TNN: variants seen among roughly 807,000 people sequenced by gnomAD.
The protein encoded by TNN is tenascin-N.
In TNN, 122 loss-of-function variants were observed where a neutral mutation model predicts 134.4. The ratio of observed to expected loss-of-function variants is 0.91; its 90% CI spans 0.78 to 1.06. The LOEUF is 1.06. TNN is among the 50% of genes least tolerant of loss of function. TNN has a pLI of 0.00. For missense variants in TNN, 1,739 were observed against 1,699.4 expected, an observed-to-expected ratio of 1.02 and a Z score of -0.41; for synonymous variants, 710 against 670.3, an observed-to-expected ratio of 1.06 and a Z score of -0.91.
chr1:175,073,110 C>T lies in TNN; in HGVS notation c.-35-4274C>T, dbSNP rs555682638. On this transcript the variant is annotated intron_variant, in intron 1 of 18. Transcript: ENST00000239462. ...TTGGACAGTGGAAACTCATGTGCTG[C>T]CATGAACACAGTAGGTGCTTTAGAG... Among the ~76,000 whole-genome samples the T allele has an allele frequency of 3.9e-5, 6 of 152,018 alleles. 1 individual carries two copies. In the South Asian group the frequency reaches 1.0e-3, roughly 26 times the overall value.
chr1:175,101,918 C>T (rs1173921610), intron 9 of TNN, among the ~76,000 whole-genome samples: 1 of 139,084 alleles, frequency 7.2e-6, no homozygotes, highest in African/African-American at 2.6e-5. Context: ...ATACAGAGTG[C>T]CGATTGATGT....
intron 1 of TNN, among the ~76,000 whole-genome samples, chr1:175,076,572 A>T (rs1242652384): frequency 6.6e-6 from 1 of 152,214 alleles, no homozygotes. Flanking sequence ...AGGAGAGAAG[A>T]CTTTGTGGAG....
intron 9 of TNN, among the ~76,000 whole-genome samples, chr1:175,101,499 C>A (rs1478960755): frequency 6.7e-6 from 1 of 149,800 alleles, no homozygotes; most frequent in African/African-American, 2.4e-5. Flanking sequence ...GTTGCCAATG[C>A]TGGCTCGGGC....
Position 175,084,484 on chromosome 1 carries a change from A to T in TNN, c.1234+549A>T, listed in dbSNP as rs138435949. On this transcript the variant is annotated intron_variant, in intron 5 of 18. Transcript: ENST00000239462. ...CTGCTAAGGAAACAAGGCTGCAGGG[A>T]TGGATCAAGTTTGGCAGTGCTTGAA... 2.6e-3 allele frequency among the ~76,000 whole-genome samples: 396 copies of T among 152,310 alleles called. 3 individuals carry two copies. Among genetic ancestry groups the T allele is most frequent in the African/African-American group, 9.2e-3 (382 of 41,556 alleles).
intron 17 of TNN, among the ~76,000 whole-genome samples, chr1:175,139,163 T>G (rs1675888811): frequency 6.6e-6 from 1 of 152,234 alleles, no homozygotes; most frequent in Admixed American, 6.5e-5. Context: ...TCGGCCACAC[T>G]AAATTTATTT....
intron 6 of TNN, among the ~76,000 whole-genome samples, chr1:175,092,020 A>G (rs1315241525): frequency 6.6e-6 from 1 of 152,136 alleles, no homozygotes; most frequent in Non-Finnish European, 1.5e-5. Context: ...CACTGCTGGG[A>G]CCTGGGGTTG....
At chr1:175,091,741 AC>A (rs1674453005) in intron 6 of TNN, among the ~76,000 whole-genome samples, 1 of 151,796 alleles carries the variant, frequency 6.6e-6, no homozygotes, top group Admixed American at 6.6e-5. Flanking sequence ...GGCATGTACC[AC>A]CCTGCCCGGC....
intron 9 of TNN, among the ~76,000 whole-genome samples, chr1:175,107,473 C>T (rs546707025): frequency 3.5e-5 from 5 of 143,234 alleles, no homozygotes; most frequent in South Asian, 2.4e-4. Flanking sequence ...TGGAGTTGTT[C>T]GTTCCTCCCA....
intron 9 of TNN, among the ~76,000 whole-genome samples, chr1:175,105,107 G>T (rs1358361818): frequency 6.9e-6 from 1 of 145,780 alleles, no homozygotes; most frequent in Non-Finnish European, 1.5e-5. Flanking sequence ...AAACTCTCAG[G>T]CTGCAGCTAA....
chr1:175,116,373 T>C (rs1455369348), intron 9 of TNN, among the ~76,000 whole-genome samples: 1 of 152,212 alleles, frequency 6.6e-6, no homozygotes, highest in Non-Finnish European at 1.5e-5. Flanking sequence ...TTTTTTTCTC[T>C]TGGTTTACAG....
intron 15 of TNN, among the ~76,000 whole-genome samples, chr1:175,131,208 C>T (rs375765575): frequency 3.3e-4 from 50 of 152,264 alleles, no homozygotes; most frequent in African/African-American, 1.1e-3. Flanking sequence ...TAAACTCTGC[C>T]GCTGGTGGGA....
chr1:175,091,823 C>T (rs1013443198), intron 6 of TNN, among the ~76,000 whole-genome samples: 6 of 152,140 alleles, frequency 3.9e-5, no homozygotes, highest in African/African-American at 1.2e-4. Flanking sequence ...CTCCTGGCCT[C>T]AAGTGATCCA....
intron 1 of TNN, among the ~76,000 whole-genome samples, chr1:175,075,396 C>G (rs1674017063): frequency 6.6e-6 from 1 of 152,134 alleles, no homozygotes; most frequent in African/African-American, 2.4e-5. Context: ...CTCCCGGGTT[C>G]CAGCAGTTCT....
At chr1:175,120,563 A>G (rs1574166779) in intron 11 of TNN, among the ~76,000 whole-genome samples, 1 of 152,120 alleles carries the variant, frequency 6.6e-6, no homozygotes, top group African/African-American at 2.4e-5. Context: ...CCTGGTCACC[A>G]CCCTGTCTGC....
chr1:175,135,182 C>A (rs1675767305), intron 15 of TNN, among the ~76,000 whole-genome samples: 1 of 152,120 alleles, frequency 6.6e-6, no homozygotes, highest in Non-Finnish European at 1.5e-5. Flanking sequence ...TGCATCTTTC[C>A]CTCATAGCCC....
At chr1:175,092,044 G>A (rs1450960853) in intron 6 of TNN, among the ~76,000 whole-genome samples, 1 of 152,200 alleles carries the variant, frequency 6.6e-6, no homozygotes. Flanking sequence ...AGATGTGGAT[G>A]CTTTTGAGAA....
chr1:175,097,584 G>A lies in TNN; in HGVS notation c.1756G>A (p.Val586Ile). The A allele has an allele frequency of 1.9e-6, 3 of 1,614,214 alleles. No individual in the cohort carries two copies. Among genetic ancestry groups the A allele is most frequent in the South Asian group, 2.2e-5 (2 of 91,074 alleles). Reference sequence around the variant, plus strand: ...GGTGGGGAAGGAGCAGAGCAGCACTGTCCTGACAGGCCTGAGGCCAGGTGT... The same window carrying A: ...GGTGGGGAAGGAGCAGAGCAGCACTATCCTGACAGGCCTGAGGCCAGGTGT... ...VLVGKEQSST[V>I]LTGLRPGVEY... is the part of the protein sequence containing the mutation. The change falls in exon 8 of 19, where the codon GTC (valine) becomes ATC (isoleucine). Residue 586 changes from valine (V) to isoleucine (I), a missense_variant. By Grantham distance (29) the Val-to-Ile change is conservative (BLOSUM62 3). Coordinates refer to ENST00000239462, the MANE Select transcript of TNN (RefSeq NM_022093.2).
intron 1 of TNN, among the ~76,000 whole-genome samples, chr1:175,071,239 CTCT>C (rs1166661522): frequency 6.6e-6 from 1 of 152,204 alleles, no homozygotes; most frequent in Non-Finnish European, 1.5e-5. Flanking sequence ...TTGGCTACCT[CTCT>C]TCTTTGGCGT....
At chr1:175,142,561 C>T (rs1675965840) in intron 17 of TNN, among the ~76,000 whole-genome samples, 1 of 152,144 alleles carries the variant, frequency 6.6e-6, no homozygotes. Context: ...GGGGCCCAAC[C>T]TGTAGTTTCC....
Sources: gnomAD v4.1 joint callset for allele counts (sites outside exome capture counted in the v4.1 genomes callset) on GRCh38, gnomAD v4.1.1 for gene constraint, MANE v1.5 for transcripts, NCBI Gene and HGNC (gene_info 2026-07-23, HGNC 2026-07-21) for gene names.